SLC26A6: variants seen among roughly 807,000 people sequenced by gnomAD.
The protein encoded by SLC26A6 is solute carrier family 26 member 6.
In SLC26A6, 67 loss-of-function variants were observed where a neutral mutation model predicts 87.1. The ratio of observed to expected loss-of-function variants is 0.77; its 90% CI spans 0.63 to 0.94. SLC26A6 has a LOEUF of 0.94. SLC26A6 is among the 40% of genes least tolerant of loss of function. The probability of loss-of-function intolerance (pLI) is 0.00; values close to 1 mark genes in which losing one functional copy is unlikely to be tolerated. For synonymous variants in SLC26A6, 414 were observed against 405.9 expected (o/e 1.02, Z -0.24); for missense variants, 902 against 973.0 (o/e 0.93, Z 0.97).
chr3:48,632,199 G>A (rs773955666), intron 5 of SLC26A6, 46 bp downstream of exon 5: 1 of 1,569,704 alleles, frequency 6.4e-7, no homozygotes, highest in South Asian at 1.2e-5. Flanking sequence ...ACAGTGGCGG[G>A]AGCAGAAGTG....
Position 48,626,695 on chromosome 3 carries a change from A to C in SLC26A6, c.2074-10T>G, listed in dbSNP as rs918175254. 1.9e-6 allele frequency: 3 copies of C among 1,613,744 alleles called. No individual in the cohort carries two copies. In the African/African-American group the frequency reaches 4.0e-5, roughly 22 times the overall value. The stretch of plus-strand genomic sequence containing the variant: ...GGAAGTCATGGAAAATCTGTAGCGG[A>C]AAAGGGGGCCAGCCTCAGAGGGAGG... On this transcript the variant is annotated splice_polypyrimidine_tract_variant and intron_variant, in intron 18 of 20. Coordinates refer to ENST00000395550, the MANE Select transcript of SLC26A6 (RefSeq NM_022911.3).
At position 48,628,177 on chromosome 3, in the gene SLC26A6, G is replaced by A. The variant is rs1456647315; in HGVS notation, c.1801-139C>T. 1 of 840,842 alleles carries A rather than the reference G, an allele frequency of 1.2e-6. No individual in the cohort carries two copies. Among genetic ancestry groups the A allele is most frequent in the Non-Finnish European group, 1.8e-6 (1 of 543,282 alleles). 52.1% of individuals were successfully genotyped at this position (840,842 alleles called of 1,614,324 possible). ...GAAGCTGTGGGACCTGCAGCAGCCA[G>A]GCTGAAGCTCCTGGAACAGCCGTGA... On this transcript the variant is annotated intron_variant, in intron 16 of 20. Coordinates refer to ENST00000395550, the MANE Select transcript of SLC26A6 (RefSeq NM_022911.3). This position sits in a 1 kb window ranked among gnomAD's most constrained non-coding sequence, Gnocchi z 4.4.
intron 11 of SLC26A6, 50 bp downstream of exon 11, chr3:48,630,388 G>C: frequency 1.3e-6 from 2 of 1,533,846 alleles, no homozygotes; most frequent in South Asian, 1.2e-5. Context: ...TGGCTGATTT[G>C]AGAGCCCTGG....
At chr3:48,633,860 C>A in intron 1 of SLC26A6, 1 of 1,419,096 alleles carries the variant, frequency 7.0e-7, no homozygotes, top group Non-Finnish European at 9.2e-7. Context: ...GGACAAAGTC[C>A]CCCAAGTAGG....
chr3:48,631,662 C>T lies in SLC26A6; in HGVS notation c.890G>A (p.Gly297Glu), dbSNP rs1259450461. 6.2e-7 allele frequency: 1 copy of T among 1,613,324 alleles called. No homozygotes were observed. The highest frequency in any genetic ancestry group is 8.5e-7 in the Non-Finnish European group (1 of 1,179,924). ...LQQQLPMPIPGELLTLIGATG... is the reference protein window; with the variant it reads ...LQQQLPMPIPEELLTLIGATG... ...TGGCCCTCGAACCGTGAGCAGCTCC[C>T]CGGGTATCGGCATGGGCAGCTGCTG... Residue 297 changes from glycine (G) to glutamate (E), a missense_variant, in exon 7 of 21, where the codon GGG becomes GAG. By Grantham distance (98) the Gly-to-Glu change is moderately conservative (BLOSUM62 -2). Transcript: ENST00000395550.
Position 48,633,051 on chromosome 3 carries a change from G to A in SLC26A6, c.356C>T (p.Pro119Leu), listed in dbSNP as rs1293458587. ...GAAGGAGCTATAGAGGCCAAACACGGGGGGCAATCCAGCCAGGAGGGCGTA... is the reference window on the plus strand; with the variant it reads ...GAAGGAGCTATAGAGGCCAAACACGAGGGGCAATCCAGCCAGGAGGGCGTA... ...LAYALLAGLP[P>L]VFGLYSSFYP... is the part of the protein sequence containing the mutation. The change falls in exon 4 of 21, where the codon CCC (proline) becomes CTC (leucine). Residue 119 changes from proline (P) to leucine (L), a missense_variant. By Grantham distance (98) the Pro-to-Leu change is moderately conservative (BLOSUM62 -3). Around this residue, in one of 3 missense-constraint regions of SLC26A6, gnomAD observed 800 missense variants for 856.8 expected, o/e 0.93. Coordinates refer to ENST00000395550, the MANE Select transcript of SLC26A6 (RefSeq NM_022911.3). The A allele has an allele frequency of 1.2e-6, 2 of 1,613,558 alleles. No individual in the cohort carries two copies. Among genetic ancestry groups the A allele is most frequent in the Non-Finnish European group, 8.5e-7 (1 of 1,179,878 alleles).
rs267599861 is a variant in SLC26A6, at chr3:48,628,025, T to C, written c.1814A>G (p.Lys605Arg). The change falls in exon 17 of 21, where the codon AAG becomes AGG. Residue 605 changes from lysine (K) to arginine (R), a missense_variant. Physicochemically the swap from Lys to Arg is conservative, Grantham distance 26 (BLOSUM62 2). This residue lies in a region of SLC26A6 where 800 missense variants were observed against 856.8 expected (regional missense o/e 0.93). Coordinates refer to ENST00000395550, the MANE Select transcript of SLC26A6 (RefSeq NM_022911.3). This position sits in a 1 kb window ranked among gnomAD's most constrained non-coding sequence, Gnocchi z 4.4. Reference protein sequence around the residue: ...EKLRKQAASPKGASVSINVNT... With the variant: ...EKLRKQAASPRGASVSINVNT... ...GACATTAATGGAAACTGAGGCGCCC[T>C]TGGGGGAGGCAGCCTACACCAGGGA... is the stretch of plus-strand genomic sequence containing the variant. 3.8e-6 allele frequency: 6 copies of C among 1,578,672 alleles called. No homozygotes were observed. In the African/African-American group the frequency reaches 4.1e-5, roughly 11 times the overall value.
chr3:48,630,451 T>C lies in SLC26A6; in HGVS notation c.1313A>G (p.His438Arg). 1 of 1,557,426 alleles carries C rather than the reference T, an allele frequency of 6.4e-7. No homozygotes were observed. The highest frequency in any genetic ancestry group is 8.7e-7 in the Non-Finnish European group (1 of 1,150,280). The change falls in exon 11 of 21, where the codon CAT becomes CGT. Residue 438 changes from histidine (H) to arginine (R), a missense_variant. Coordinates refer to ENST00000395550, the MANE Select transcript of SLC26A6 (RefSeq NM_022911.3). Reference sequence around the variant, plus strand: ...GTGGGGGCTCACCTTGGGCAGGTCATGGAAGAGTTCCCCAAGTTTGACAAT... The same window carrying C: ...GTGGGGGCTCACCTTGGGCAGGTCACGGAAGAGTTCCCCAAGTTTGACAAT... Reference protein sequence around the residue: ...LIIVKLGELFHDLPKAVLAAI... With the variant: ...LIIVKLGELFRDLPKAVLAAI...
Position 48,633,191 on chromosome 3 carries a change from C to T in SLC26A6, c.322+60G>A. 3 of 1,593,770 alleles carry T rather than the reference C, an allele frequency of 1.9e-6. No individual in the cohort carries two copies. In the South Asian group the frequency reaches 3.4e-5, roughly 18 times the overall value. On this transcript the variant is annotated intron_variant, in intron 3 of 20. Transcript: ENST00000395550. ...ATAGTTCCAAGGTAGAGGTCATGGCCCCAGTTTTGGGCATCACAGACCACA... is the reference window on the plus strand; with the variant it reads ...ATAGTTCCAAGGTAGAGGTCATGGCTCCAGTTTTGGGCATCACAGACCACA...
At chr3:48,627,185 C>T (rs779733926) in intron 17 of SLC26A6, 130 bp from the exon 18 acceptor site, 38 of 1,110,706 alleles carry the variant, frequency 3.4e-5, no homozygotes, top group African/African-American at 4.7e-5. Context: ...CACAAACATG[C>T]GGGAGTCACA....
rs568199769 is a variant in SLC26A6 at position 48,626,439 on chromosome 3, TCACCCCTGACCTC to T, written c.2129-98_2129-86del. On this transcript the variant is annotated intron_variant, in intron 19 of 20. Transcript: ENST00000395550. ...GAGCCAACAGAATGCCCTGACCTCA[TCACCCCTGACCTC>T]CACCCCTGAGGCTACAGCTGAATCC... 262 of 1,592,798 alleles carry T rather than the reference TCACCCCTGACCTC, an allele frequency of 1.6e-4. 1 individual carries two copies. The East Asian group carries it at 5.7e-3, about 35-fold the overall frequency.
Position 48,628,250 on chromosome 3 carries a change from G to T in SLC26A6, c.1800+184C>A. The T allele has an allele frequency of 1.2e-6, 1 of 804,780 alleles. No individual in the cohort carries two copies. The highest frequency in any genetic ancestry group is 1.9e-6 in the Non-Finnish European group (1 of 513,642). 49.9% of individuals were successfully genotyped at this position (804,780 alleles called of 1,614,324 possible). ...TCTCACTGTCACTGGTTCAGATGAT[G>T]GGAGAGAAAATGCTGCCTAGAGCCC... On this transcript the variant is annotated intron_variant, in intron 16 of 20. Coordinates refer to ENST00000395550, the MANE Select transcript of SLC26A6 (RefSeq NM_022911.3). This position sits in a 1 kb window ranked among gnomAD's most constrained non-coding sequence, Gnocchi z 4.4.
In SLC26A6 at chr3:48,626,301, T is replaced by C. The variant is rs1264925684; in HGVS notation, c.2182A>G (p.Lys728Glu). 6.2e-7 allele frequency: 1 copy of C among 1,613,912 alleles called. No individual in the cohort carries two copies. Among genetic ancestry groups the C allele is most frequent in the Non-Finnish European group, 8.5e-7 (1 of 1,180,030 alleles). Reference sequence around the variant, plus strand: ...TGGACAGAGGCAAAGAGATGCTTCTTGGTGATGGATGCATCGAAGAAGTGC... The same window carrying C: ...TGGACAGAGGCAAAGAGATGCTTCTCGGTGATGGATGCATCGAAGAAGTGC... ...AGHFFDASIT[K>E]KHLFASVHDA... The change falls in exon 20 of 21, where the codon AAG becomes GAG. Residue 728 changes from lysine (K) to glutamate (E), a missense_variant. Transcript: ENST00000395550.
rs1384668127 is a variant in SLC26A6, at chr3:48,630,738, G to A, written c.1135-18C>T. ...ACCAGCTCCTGACGGGGGACAGTAC[G>A]GGTGTGAGAAGACTTCCTAGAAGTG... is the stretch of plus-strand genomic sequence containing the variant. On this transcript the variant is annotated intron_variant, in intron 9 of 20. Coordinates refer to ENST00000395550, the MANE Select transcript of SLC26A6 (RefSeq NM_022911.3). 9 of 1,582,828 alleles carry A rather than the reference G, an allele frequency of 5.7e-6. No homozygotes were observed. Among genetic ancestry groups the A allele is most frequent in the Admixed American group, 1.8e-5 (1 of 55,754 alleles).
Position 48,626,357 on chromosome 3 carries a change from G to C in SLC26A6, c.2129-3C>G, listed in dbSNP as rs926795099. 5 of 1,613,846 alleles carry C rather than the reference G, an allele frequency of 3.1e-6. No homozygotes were observed. The highest frequency in any genetic ancestry group is 1.3e-5 in the African/African-American group (1 of 74,864). ...CTCAAGCTGGCTGACCACAGGGCCT[G>C]TGGGCAAGAAGTAGGCCTCCCCTGA... On this transcript the variant is annotated splice_polypyrimidine_tract_variant and splice_region_variant and intron_variant, in intron 19 of 20. Coordinates refer to ENST00000395550, the MANE Select transcript of SLC26A6 (RefSeq NM_022911.3).
At chr3:48,632,915 C>T in intron 4 of SLC26A6, 59 bp downstream of exon 4, 1 of 1,513,836 alleles carries the variant, frequency 6.6e-7, no homozygotes, top group Non-Finnish European at 9.1e-7. Flanking sequence ...GCCCCCTCAC[C>T]CTGCCCTCCA....
In SLC26A6 at chr3:48,626,930, C is replaced by T; in HGVS notation, c.2019G>A (p.Leu673=). The change falls in exon 18 of 21, where the codon CTG becomes CTA. Residue 673 remains leucine (L), a synonymous_variant. Coordinates refer to ENST00000395550, the MANE Select transcript of SLC26A6 (RefSeq NM_022911.3). ...LPQPDFHSLI[L]DLGALSFVDT... The stretch of plus-strand genomic sequence containing the variant: ...CCACAAAGGAGAGGGCACCCAGGTC[C>T]AGGATGAGGCTGTGGAAGTCTGGCT... The T allele has an allele frequency of 6.2e-7, 1 of 1,614,192 alleles. No homozygotes were observed. Among genetic ancestry groups the T allele is most frequent in the Non-Finnish European group, 8.5e-7 (1 of 1,180,032 alleles).
rs568568061 is a variant in SLC26A6 at position 48,634,975 on chromosome 3, G to A, written c.23+396C>T. Among the ~76,000 whole-genome samples the A allele has an allele frequency of 2.6e-5, 4 of 152,334 alleles. No individual in the cohort carries two copies. The South Asian group carries it at 8.3e-4, about 32-fold the overall frequency. On this transcript the variant is annotated intron_variant, in intron 1 of 20. Transcript: ENST00000395550. ...GAAGGCAACTGGGGCCAGAAAGGCC[G>A]GAGCGCTCACTCCGGGATCAGTGGA...
At position 48,628,165 on chromosome 3, in the gene SLC26A6, C is replaced by G; in HGVS notation, c.1801-127G>C. 4.4e-6 allele frequency: 4 copies of G among 899,624 alleles called. No homozygotes were observed. The South Asian group carries it at 6.7e-5, about 15-fold the overall frequency. The allele number at this position is 899,624 out of a possible 1,614,324, so 55.7% of individuals were successfully genotyped here. On this transcript the variant is annotated intron_variant, in intron 16 of 20. Coordinates refer to ENST00000395550, the MANE Select transcript of SLC26A6 (RefSeq NM_022911.3). This position sits in a 1 kb window ranked among gnomAD's most constrained non-coding sequence, Gnocchi z 4.4. ...GGGCCAGGACCAGAAGCTGTGGGAC[C>G]TGCAGCAGCCAGGCTGAAGCTCCTG...
Sources: allele counts gnomAD v4.1 joint callset (sites outside exome capture counted in the v4.1 genomes callset), GRCh38; gene constraint gnomAD v4.1.1; regional missense constraint gnomAD v4.1.1; non-coding constraint Gnocchi (gnomAD v3.1); transcripts MANE v1.5; gene names NCBI Gene and HGNC (gene_info 2026-07-23, HGNC 2026-07-21).